The following SYN3 variants were observed in gnomAD, a reference collection of about 807,000 sequenced individuals.
SYN3 encodes the protein synapsin-3.
In SYN3, 35 loss-of-function variants were observed where a neutral mutation model predicts 65.8. The ratio of observed to expected loss-of-function variants is 0.53; its 90% CI spans 0.41 to 0.70. The LOEUF (loss-of-function observed/expected upper bound fraction) is 0.70, where lower values mean the gene tolerates loss of function less well. SYN3 is among the 30% of genes least tolerant of loss of function. SYN3 has a pLI of 0.00. For synonymous variants in SYN3, 270 were observed against 292.9 expected, an observed-to-expected ratio of 0.92 and a Z score of 0.80; for missense variants, 680 against 749.0, an observed-to-expected ratio of 0.91 and a Z score of 1.08.
At chr22:32,963,109 C>T (rs2051711892) in intron 3 of SYN3, among the ~76,000 whole-genome samples, 1 of 149,772 alleles carries the variant, frequency 6.7e-6, no homozygotes, top group Non-Finnish European at 1.5e-5. Flanking sequence ...CACAGTCTCA[C>T]TCCATCACCC....
chr22:32,749,299 C>G (rs1602052229), intron 6 of SYN3, among the ~76,000 whole-genome samples: 1 of 97,684 alleles, frequency 1.0e-5, no homozygotes, highest in Non-Finnish European at 1.9e-5. Context: ...TCCCAAAGCC[C>G]CCCCCCCACC....
At chr22:32,572,380 A>C (rs1425774074) in intron 7 of SYN3, among the ~76,000 whole-genome samples, 50 of 17,600 alleles carry the variant, frequency 2.8e-3, no homozygotes, top group Admixed American at 4.4e-3. Context: ...CCTCCCTCCC[A>C]TCTTTCCTTC....
intron 3 of SYN3, among the ~76,000 whole-genome samples, chr22:32,932,849 G>A (rs2050671400): frequency 6.6e-6 from 1 of 152,110 alleles, no homozygotes; most frequent in Non-Finnish European, 1.5e-5. Context: ...CAAAATCAAG[G>A]TGCTGGTAGG....
intron 6 of SYN3, among the ~76,000 whole-genome samples, chr22:32,744,342 T>C (rs906947268): frequency 2.0e-5 from 3 of 152,138 alleles, no homozygotes; most frequent in African/African-American, 4.8e-5. Flanking sequence ...CCAAGCTAAA[T>C]TGTAATAGAC....
At chr22:32,802,297 G>A (rs1458627164) in intron 6 of SYN3, among the ~76,000 whole-genome samples, 1 of 152,114 alleles carries the variant, frequency 6.6e-6, no homozygotes, top group Non-Finnish European at 1.5e-5. Flanking sequence ...ATAGCTGAGA[G>A]GGGAAGATGC....
intron 7 of SYN3, among the ~76,000 whole-genome samples, chr22:32,567,004 T>C (rs2146390385): frequency 6.6e-6 from 1 of 152,210 alleles, no homozygotes; most frequent in Non-Finnish European, 1.5e-5. Flanking sequence ...TGCAGGAAGA[T>C]GAACTTTGAT....
At chr22:32,762,766 T>C (rs1049614271) in intron 6 of SYN3, among the ~76,000 whole-genome samples, 6 of 152,218 alleles carry the variant, frequency 3.9e-5, no homozygotes, top group Admixed American at 6.5e-5. Flanking sequence ...CACTTATTGA[T>C]AGGATGATCT....
At chr22:32,891,763 C>T (rs2049453938) in intron 4 of SYN3, among the ~76,000 whole-genome samples, 1 of 152,078 alleles carries the variant, frequency 6.6e-6, no homozygotes, top group African/African-American at 2.4e-5. Context: ...TTCCGTATAA[C>T]TCATTCAGCC....
intron 4 of SYN3, among the ~76,000 whole-genome samples, chr22:32,873,723 A>G (rs557356005): frequency 6.6e-5 from 10 of 152,340 alleles, no homozygotes; most frequent in South Asian, 4.1e-4. Context: ...CTGAAGTAAT[A>G]TAAGCTGGGC....
intron 4 of SYN3, among the ~76,000 whole-genome samples, chr22:32,885,567 C>CA (rs1034275522): frequency 1.4e-5 from 2 of 147,346 alleles, no homozygotes; most frequent in Non-Finnish European, 3.0e-5. Context: ...CTTCCCTTTC[C>CA]TTTTTTTTTT....
At chr22:32,615,432 T>TAAAAAAAAAAAAAAAAAAA (rs1190319833) in intron 6 of SYN3, among the ~76,000 whole-genome samples, 103 of 74,286 alleles carry the variant, frequency 1.4e-3, no homozygotes, top group African/African-American at 2.3e-3. Context: ...AGACTTCATC[T>TAAAAAAAAAAAAAAAAAAA]AAAAAAAAAA....
chr22:32,705,109 T>C lies in SYN3; in HGVS notation c.712-108373A>G, dbSNP rs145648235. ...TTTGTTGCAACTGCTTTTGGTGTCT[T>C]CATCATGAAATTTTTGCCAGTTCCT... On this transcript the variant is annotated intron_variant, in intron 6 of 13. Transcript: ENST00000358763. 6.8e-3 allele frequency among the ~76,000 whole-genome samples: 1,043 copies of C among 152,368 alleles called. 16 individuals carry two copies. Among genetic ancestry groups the C allele is most frequent in the African/African-American group, 0.024 (995 of 41,584 alleles).
chr22:32,641,280 G>A (rs373980106), intron 6 of SYN3, among the ~76,000 whole-genome samples: 7 of 152,054 alleles, frequency 4.6e-5, no homozygotes, highest in East Asian at 1.9e-4. Context: ...CAACTCGTAC[G>A]TGCTTCAGAA....
chr22:32,632,675 T>G (rs1404999382), intron 6 of SYN3, among the ~76,000 whole-genome samples: 1 of 152,188 alleles, frequency 6.6e-6, no homozygotes, highest in African/African-American at 2.4e-5. Flanking sequence ...CTGTAGGCAT[T>G]CAACAGCTGT....
intron 6 of SYN3, among the ~76,000 whole-genome samples, chr22:32,823,443 TCTC>T (rs2047311675): frequency 6.6e-6 from 1 of 151,692 alleles, no homozygotes; most frequent in African/African-American, 2.4e-5. Context: ...CCAAAGGGAG[TCTC>T]CTCTCAGAAA....
At chr22:32,881,201 C>T (rs533702448) in intron 4 of SYN3, among the ~76,000 whole-genome samples, 12 of 152,180 alleles carry the variant, frequency 7.9e-5, no homozygotes, top group East Asian at 1.9e-4. Context: ...GCGGCTGGAA[C>T]GGATGCTGGG....
intron 6 of SYN3, among the ~76,000 whole-genome samples, chr22:32,786,604 C>T (rs893933014): frequency 6.6e-6 from 1 of 151,988 alleles, no homozygotes; most frequent in African/African-American, 2.4e-5. Context: ...CCTTGTGATC[C>T]ACCCACCTCA....
At chr22:32,819,154 G>C (rs1244121843) in intron 6 of SYN3, among the ~76,000 whole-genome samples, 1 of 152,258 alleles carries the variant, frequency 6.6e-6, no homozygotes, top group African/African-American at 2.4e-5. Context: ...TTCCACTAGG[G>C]AGTGAGGTAG....
chr22:32,848,463 C>A (rs1324545589), intron 6 of SYN3, among the ~76,000 whole-genome samples: 4 of 152,216 alleles, frequency 2.6e-5, no homozygotes, highest in Non-Finnish European at 5.9e-5. Flanking sequence ...GATGCTAATA[C>A]TGCCCTTGTA....
Sources: allele counts gnomAD v4.1 joint callset (sites outside exome capture counted in the v4.1 genomes callset), GRCh38; gene constraint gnomAD v4.1.1; transcripts MANE v1.5; gene names NCBI Gene and HGNC (gene_info 2026-07-23, HGNC 2026-07-21).